Variants in PBX3 observed in about 807,000 individuals in gnomAD.
PBX3 encodes PBX homeobox 3.
In PBX3, 14 loss-of-function variants were observed where a neutral mutation model predicts 48.5. The ratio of observed to expected loss-of-function variants is 0.29; its 90% confidence interval spans 0.19 to 0.45. The LOEUF (loss-of-function observed/expected upper bound fraction) is 0.45. Ranked by LOEUF, PBX3 falls within the 20% of genes least tolerant of loss-of-function variation. The probability of loss-of-function intolerance (pLI) is 1.00; values close to 1 mark genes in which losing one functional copy is unlikely to be tolerated. For missense variants in PBX3, 386 were observed against 546.7 expected, an observed-to-expected ratio of 0.71 and a Z score of 2.93; for synonymous variants, 210 against 200.3, an observed-to-expected ratio of 1.05 and a Z score of -0.41.
intron 2 of PBX3, among the ~76,000 whole-genome samples, chr9:125,774,951 C>T (rs1837033253): frequency 6.6e-6 from 1 of 151,980 alleles, no homozygotes; most frequent in South Asian, 2.1e-4. Flanking sequence ...ACTGCAACCT[C>T]TGCTTCCTAG....
chr9:125,962,661 A>G (rs1842454159), intron 7 of PBX3, among the ~76,000 whole-genome samples: 1 of 152,208 alleles, frequency 6.6e-6, no homozygotes, highest in Admixed American at 6.5e-5. Flanking sequence ...TTATACATCT[A>G]GATGTATGTG....
chr9:125,820,344 T>C (rs1772772534), intron 2 of PBX3, among the ~76,000 whole-genome samples: 2 of 152,212 alleles, frequency 1.3e-5, no homozygotes, highest in South Asian at 2.1e-4. Context: ...AGTGCTTGTT[T>C]CTATTCAGCA....
chr9:125,932,241 C>T (rs1411616335), intron 4 of PBX3, among the ~76,000 whole-genome samples: 1 of 152,272 alleles, frequency 6.6e-6, no homozygotes, highest in Admixed American at 6.5e-5. Flanking sequence ...TCTTGCTCAT[C>T]GTTCCGGATC....
intron 5 of PBX3, among the ~76,000 whole-genome samples, chr9:125,955,979 G>A (rs1001751821): frequency 4.6e-5 from 7 of 152,168 alleles, no homozygotes. Context: ...AAAGCTGACG[G>A]GGCGTCCTGG....
chr9:125,840,582 T>C (rs1839262349), intron 2 of PBX3, among the ~76,000 whole-genome samples: 1 of 151,942 alleles, frequency 6.6e-6, no homozygotes, highest in Non-Finnish European at 1.5e-5. Flanking sequence ...TGGCCATTTT[T>C]CTTTCTTAAC....
chr9:125,758,269 G>A (rs1188647584), intron 2 of PBX3, among the ~76,000 whole-genome samples: 1 of 151,330 alleles, frequency 6.6e-6, no homozygotes, highest in Non-Finnish European at 1.5e-5. Flanking sequence ...TCAGTATAAT[G>A]TTATAGTTCT....
At chr9:125,776,982 C>T (rs1188898264) in intron 2 of PBX3, among the ~76,000 whole-genome samples, 3 of 151,140 alleles carry the variant, frequency 2.0e-5, no homozygotes, top group East Asian at 1.9e-4. Context: ...TGAGCCACTG[C>T]GCCTGGCTGA....
chr9:125,883,797 T>A (rs1840436060), intron 2 of PBX3, among the ~76,000 whole-genome samples: 1 of 152,174 alleles, frequency 6.6e-6, no homozygotes, highest in African/African-American at 2.4e-5. Flanking sequence ...AAACAGCATT[T>A]ATAGTACTAA....
At chr9:125,965,798 C>T (rs539279707) in intron 8 of PBX3, 33 bp from the exon 9 acceptor site, 180 of 1,495,250 alleles carry the variant, frequency 1.2e-4, no homozygotes, top group African/African-American at 1.8e-4. Flanking sequence ...AATATGTAGA[C>T]GTGCACCCGT....
chr9:125,889,897 G>T (rs1264982930), intron 2 of PBX3, among the ~76,000 whole-genome samples: 1 of 149,060 alleles, frequency 6.7e-6, no homozygotes, highest in Non-Finnish European at 1.5e-5. Context: ...TGCCCGGCGC[G>T]CCCCGAAAGC....
intron 2 of PBX3, among the ~76,000 whole-genome samples, chr9:125,913,831 C>A (rs1841261899): frequency 6.6e-6 from 1 of 152,020 alleles, no homozygotes; most frequent in South Asian, 2.1e-4. Context: ...ACACACAAAA[C>A]TGTGGGCAAA....
At chr9:125,791,834 G>A (rs1837619639) in intron 2 of PBX3, among the ~76,000 whole-genome samples, 1 of 151,850 alleles carries the variant, frequency 6.6e-6, no homozygotes, top group Non-Finnish European at 1.5e-5. Context: ...TACTCGGGAG[G>A]CTGAGGTAGG....
intron 2 of PBX3, among the ~76,000 whole-genome samples, chr9:125,809,739 A>C (rs1838232573): frequency 6.6e-6 from 1 of 152,212 alleles, no homozygotes; most frequent in Non-Finnish European, 1.5e-5. Context: ...CATCAATGTA[A>C]ACCATAAGGA....
At chr9:125,801,790 T>TACACAC (rs367989628) in intron 2 of PBX3, among the ~76,000 whole-genome samples, 21,160 of 146,056 alleles carry the variant, frequency 0.14, 1,579 homozygotes, top group Middle Eastern at 0.18. Flanking sequence ...TGTATACACA[T>TACACAC]ACACACACAC....
chr9:125,846,884 T>C (rs1839439089), intron 2 of PBX3, among the ~76,000 whole-genome samples: 1 of 152,014 alleles, frequency 6.6e-6, no homozygotes, highest in African/African-American at 2.4e-5. Context: ...TCTTTTTAAA[T>C]TTAAAGCTTC....
intron 2 of PBX3, among the ~76,000 whole-genome samples, chr9:125,809,066 C>G (rs990208077): frequency 6.6e-6 from 1 of 152,060 alleles, no homozygotes; most frequent in Non-Finnish European, 1.5e-5. Context: ...AAATCACCAA[C>G]AAAAAGCACA....
intron 2 of PBX3, among the ~76,000 whole-genome samples, chr9:125,784,254 G>A (rs745827564): frequency 1.3e-5 from 2 of 152,046 alleles, no homozygotes; most frequent in Admixed American, 6.6e-5. Flanking sequence ...TCAGCCTCCC[G>A]AGTAGCTGGG....
intron 4 of PBX3, among the ~76,000 whole-genome samples, chr9:125,934,615 C>T (rs1004435554): frequency 6.6e-6 from 1 of 152,078 alleles, no homozygotes; most frequent in African/African-American, 2.4e-5. Context: ...ACTTTTTGTT[C>T]TCTCCTCTTT....
At chr9:125,818,314 T>C (rs931738478) in intron 2 of PBX3, among the ~76,000 whole-genome samples, 1 of 151,822 alleles carries the variant, frequency 6.6e-6, no homozygotes, top group Non-Finnish European at 1.5e-5. Context: ...AAATGAGCCT[T>C]ACATACATAA....
Sources: gnomAD v4.1 joint callset for allele counts (sites outside exome capture counted in the v4.1 genomes callset) on GRCh38, gnomAD v4.1.1 for gene constraint, MANE v1.5 for transcripts, NCBI Gene and HGNC (gene_info 2026-07-23, HGNC 2026-07-21) for gene names.